The following MFN2 variants were observed in gnomAD, a reference collection of about 807,000 sequenced individuals.
MFN2 encodes the protein mitofusin-2.
In MFN2, 43 loss-of-function variants were observed where a neutral mutation model predicts 87.5. That is an observed-to-expected ratio of 0.49 (90% CI 0.38 to 0.63). The LOEUF is 0.63. MFN2 is among the 30% of genes least tolerant of loss of function. The pLI, the probability that MFN2 is intolerant of heterozygous loss-of-function variation, is 0.00. For synonymous variants in MFN2, 337 were observed against 359.9 expected, an observed-to-expected ratio of 0.94 and a Z score of 0.72; for missense variants, 743 against 972.8, an observed-to-expected ratio of 0.76 and a Z score of 3.14.
intron 17 of MFN2, among the ~76,000 whole-genome samples, chr1:12,008,614 G>C (rs1639544421): frequency 2.0e-5 from 3 of 151,766 alleles, no homozygotes; most frequent in Admixed American, 2.0e-4. Context: ...AGACGGGGTT[G>C]TGGCTGGGCA....
At chr1:11,988,061 A>G (rs1207062807) in intron 2 of MFN2, among the ~76,000 whole-genome samples, 2 of 151,540 alleles carry the variant, frequency 1.3e-5, no homozygotes, top group African/African-American at 2.4e-5. Flanking sequence ...CACCTGTGCT[A>G]TACTAAAATA....
At chr1:11,991,340 G>A (rs1352800375) in intron 3 of MFN2, among the ~76,000 whole-genome samples, 1 of 152,190 alleles carries the variant, frequency 6.6e-6, no homozygotes. Context: ...GCAGGGTGCT[G>A]GGGCACACAG....
At chr1:12,006,718 A>G (rs745680715) in intron 16 of MFN2, 25 bp downstream of exon 16, 2 of 1,219,228 alleles carry the variant, frequency 1.6e-6, no homozygotes, top group Non-Finnish European at 2.3e-6. Flanking sequence ...CTGCTCGGGA[A>G]GGTGGGGGCG....
chr1:11,999,508 G>A (rs1639079097), intron 8 of MFN2, among the ~76,000 whole-genome samples: 1 of 152,046 alleles, frequency 6.6e-6, no homozygotes. Flanking sequence ...TAGAGACTGG[G>A]TTATGAGGCT....
chr1:12,004,255 C>A lies in MFN2; in HGVS notation c.1287+137C>A. 1 of 1,240,036 alleles carries A rather than the reference C, an allele frequency of 8.1e-7. No homozygotes were observed. The highest frequency in any genetic ancestry group is 1.2e-6 in the Non-Finnish European group (1 of 867,070). 76.8% of individuals were successfully genotyped at this position (1,240,036 alleles called of 1,614,324 possible). A position where few individuals can be genotyped will look rare whatever the true frequency, so the allele number is the denominator to read the frequency against. On this transcript the variant is annotated intron_variant, in intron 12 of 18. Coordinates refer to ENST00000235329, the MANE Select transcript of MFN2 (RefSeq NM_014874.4). The surrounding 1 kb of genome is among the most constrained non-coding windows in gnomAD (Gnocchi z 4.2). ...GCCCTGTTTCAAGAATACAGAGCTG[C>A]CGTTTGGGTTCCATTGTCGGGTTGT...
intron 4 of MFN2, among the ~76,000 whole-genome samples, chr1:11,995,918 G>A (rs1638888754): frequency 1.3e-5 from 2 of 152,158 alleles, no homozygotes; most frequent in South Asian, 2.1e-4. Context: ...CAGACAGCAC[G>A]CAGTGAGCCT....
chr1:12,011,261 T>C (rs745620858), intron 18 of MFN2, among the ~76,000 whole-genome samples: 69 of 152,236 alleles, frequency 4.5e-4, no homozygotes, highest in Non-Finnish European at 8.8e-4. Flanking sequence ...AACACAGGGC[T>C]TGAGAATCAG....
intron 2 of MFN2, among the ~76,000 whole-genome samples, chr1:11,985,826 C>CT (rs1402135821): frequency 6.6e-6 from 1 of 152,172 alleles, no homozygotes; most frequent in East Asian, 1.9e-4. Context: ...CACATCCCCT[C>CT]TTTCTCGAAC....
chr1:12,009,785 G>A (rs1255855028), intron 18 of MFN2, 59 bp downstream of exon 18: 1 of 1,611,924 alleles, frequency 6.2e-7, no homozygotes, highest in Non-Finnish European at 8.5e-7. Flanking sequence ...AGGCACACTG[G>A]GGCTCAGCTG....
In MFN2 at chr1:12,004,518, G is replaced by A; in HGVS notation, c.1297G>A (p.Ala433Thr). The A allele has an allele frequency of 6.2e-7, 1 of 1,614,148 alleles. No individual in the cohort carries two copies. The highest frequency in any genetic ancestry group is 1.1e-5 in the South Asian group (1 of 91,070). ...CTTCCTTTTGCTGTAGGTGTCGACT[G>A]CAATGGCCGAGGAGATCAGGCGCCT... ...TEEVERQVST[A>T]MAEEIRRLSV... The change falls in exon 13 of 19, where the codon GCA becomes ACA. Residue 433 changes from alanine (A) to threonine (T), a missense_variant. Coordinates refer to ENST00000235329, the MANE Select transcript of MFN2 (RefSeq NM_014874.4). This position sits in a 1 kb window ranked among gnomAD's most constrained non-coding sequence, Gnocchi z 4.2.
chr1:11,997,228 A>G (rs1020233703), intron 5 of MFN2, 69 bp from the exon 6 acceptor site: 9 of 1,607,070 alleles, frequency 5.6e-6, no homozygotes, highest in Non-Finnish European at 7.6e-6. Flanking sequence ...GCTGTGATGC[A>G]GCGGCACAGG....
In MFN2 at chr1:12,009,585, T is replaced by TC. The variant is rs748308264; in HGVS notation, c.2070-3dup. 1 of 1,614,102 alleles carries TC rather than the reference T, an allele frequency of 6.2e-7. No individual in the cohort carries two copies. Among genetic ancestry groups the TC allele is most frequent in the Non-Finnish European group, 8.5e-7 (1 of 1,179,998 alleles). Reference sequence around the variant, plus strand: ...CCCCAACTGGGTCCCTTCTCTCTCCTCCCCAGGGAACTGTCTGGGACCTTT... The same window carrying TC: ...CCCCAACTGGGTCCCTTCTCTCTCCTCCCCCAGGGAACTGTCTGGGACCTTT... On this transcript the variant is annotated splice_region_variant and splice_polypyrimidine_tract_variant and intron_variant, in intron 17 of 18. Transcript: ENST00000235329.
intron 1 of MFN2, 141 bp downstream of exon 1, chr1:11,980,625 T>G (rs1645965077): frequency 2.5e-6 from 1 of 395,968 alleles, no homozygotes; most frequent in Non-Finnish European, 4.4e-6. Flanking sequence ...CTCTCCGGCC[T>G]CGCCGCCGGG....
At position 12,004,161 on chromosome 1, in the gene MFN2, G is replaced by A. The variant is rs768527132; in HGVS notation, c.1287+43G>A. On this transcript the variant is annotated intron_variant, in intron 12 of 18. Coordinates refer to ENST00000235329, the MANE Select transcript of MFN2 (RefSeq NM_014874.4). The surrounding 1 kb of genome is among the most constrained non-coding windows in gnomAD (Gnocchi z 4.2). Reference sequence around the variant, plus strand: ...GGCATTCTGGGAAGATTTGGACTCCGAGTAGAGTCCAGAAGAAAGCAGACC... The same window carrying A: ...GGCATTCTGGGAAGATTTGGACTCCAAGTAGAGTCCAGAAGAAAGCAGACC... 17 of 1,611,366 alleles carry A rather than the reference G, an allele frequency of 1.1e-5. No homozygotes were observed. The highest frequency in any genetic ancestry group is 1.3e-5 in the African/African-American group (1 of 74,866).
Position 12,012,984 on chromosome 1 carries a change from A to C in MFN2, c.*1419A>C. 1 of 199,210 alleles carries C rather than the reference A, an allele frequency of 5.0e-6. No homozygotes were observed. The allele number at this position is 199,210 out of a possible 1,614,324, so 12.3% of individuals were successfully genotyped here. ...CCTCTGTGCACTGTTTGGTGGCCACATCACAGGTGATGTCCTGTTCACATA... is the reference window on the plus strand; with the variant it reads ...CCTCTGTGCACTGTTTGGTGGCCACCTCACAGGTGATGTCCTGTTCACATA... On this transcript the variant is annotated 3_prime_UTR_variant, in exon 19 of 19. Coordinates refer to ENST00000235329, the MANE Select transcript of MFN2 (RefSeq NM_014874.4).
In MFN2 at chr1:12,004,442, T is replaced by C; in HGVS notation, c.1288-67T>C. On this transcript the variant is annotated intron_variant, in intron 12 of 18. Transcript: ENST00000235329. This position sits in a 1 kb window ranked among gnomAD's most constrained non-coding sequence, Gnocchi z 4.2. Reference sequence around the variant, plus strand: ...AGGATGTGCCATCTGCTAGGATCTCTCCTGGTGCTGCAGGAGTGAACTTTG... The same window carrying C: ...AGGATGTGCCATCTGCTAGGATCTCCCCTGGTGCTGCAGGAGTGAACTTTG... The C allele has an allele frequency of 1.5e-6, 2 of 1,360,504 alleles. No individual in the cohort carries two copies. Among genetic ancestry groups the C allele is most frequent in the Non-Finnish European group, 2.1e-6 (2 of 949,196 alleles). The allele number at this position is 1,360,504 out of a possible 1,614,324, so 84.3% of individuals were successfully genotyped here. A position where few individuals can be genotyped will look rare whatever the true frequency, so the allele number is the denominator to read the frequency against.
At chr1:12,010,117 G>A (rs1639626345) in intron 18 of MFN2, among the ~76,000 whole-genome samples, 1 of 152,104 alleles carries the variant, frequency 6.6e-6, no homozygotes, top group African/African-American at 2.4e-5. Context: ...TTATGCCATT[G>A]CACTCCAGCC....
At chr1:11,988,268 T>C (rs1427648620) in intron 2 of MFN2, among the ~76,000 whole-genome samples, 17 of 151,832 alleles carry the variant, frequency 1.1e-4, no homozygotes, top group Non-Finnish European at 1.5e-5. Context: ...CACCCGGCTA[T>C]ATTTTTTTGT....
At chr1:11,983,852 A>G (rs913021662) in intron 2 of MFN2, among the ~76,000 whole-genome samples, 1 of 152,172 alleles carries the variant, frequency 6.6e-6, no homozygotes, top group African/African-American at 2.4e-5. Context: ...GAGTATGCCA[A>G]ATGGGTGGAA....
Sources: allele counts gnomAD v4.1 joint callset (sites outside exome capture counted in the v4.1 genomes callset), GRCh38; gene constraint gnomAD v4.1.1; non-coding constraint Gnocchi (gnomAD v3.1); transcripts MANE v1.5; gene names NCBI Gene and HGNC (gene_info 2026-07-23, HGNC 2026-07-21).